BABAM2: variants seen among roughly 807,000 people sequenced by gnomAD.
The protein encoded by BABAM2 is BRISC and BRCA1-A complex member 2.
BABAM2 carries 31 observed loss-of-function variants against 54.7 expected under a neutral mutation model. That is an observed-to-expected ratio of 0.57 (90% CI 0.43 to 0.77). The LOEUF (loss-of-function observed/expected upper bound fraction) is 0.77, where lower values mean the gene tolerates loss of function less well. Ranked by LOEUF, BABAM2 falls within the 30% of genes least tolerant of loss-of-function variation. The pLI is 0.00. For missense variants in BABAM2, 364 were observed against 455.8 expected, an observed-to-expected ratio of 0.80 and a Z score of 1.83; for synonymous variants, 167 against 162.9, an observed-to-expected ratio of 1.03 and a Z score of -0.19.
At chr2:28,234,902 T>G (rs902526319) in intron 7 of BABAM2, among the ~76,000 whole-genome samples, 1 of 152,252 alleles carries the variant, frequency 6.6e-6, no homozygotes, top group Non-Finnish European at 1.5e-5. Flanking sequence ...CTTTAGAGTT[T>G]AGGCTAAATC....
intron 6 of BABAM2, among the ~76,000 whole-genome samples, chr2:28,046,495 C>G (rs1438085292): frequency 6.6e-6 from 1 of 151,954 alleles, no homozygotes; most frequent in Non-Finnish European, 1.5e-5. Flanking sequence ...AACAAACAAA[C>G]AAAAAGATTT....
chr2:28,097,320 G>C (rs1024917850), intron 6 of BABAM2, among the ~76,000 whole-genome samples: 7 of 152,202 alleles, frequency 4.6e-5, no homozygotes, highest in Admixed American at 3.9e-4. Context: ...GGACCAGCTG[G>C]AAGGTGGGTG....
intron 7 of BABAM2, among the ~76,000 whole-genome samples, chr2:28,234,339 C>T (rs1309960434): frequency 1.3e-5 from 2 of 152,098 alleles, no homozygotes; most frequent in Non-Finnish European, 2.9e-5. Context: ...ATGGGCCTGG[C>T]AGCAGAACAC....
At chr2:27,966,245 T>C (rs1033356366) in intron 3 of BABAM2, among the ~76,000 whole-genome samples, 2 of 152,252 alleles carry the variant, frequency 1.3e-5, no homozygotes, top group Non-Finnish European at 2.9e-5. Flanking sequence ...GGAATACTTG[T>C]GTAAAGAGTT....
chr2:28,082,711 T>C (rs903230920), intron 6 of BABAM2, among the ~76,000 whole-genome samples: 1 of 152,202 alleles, frequency 6.6e-6, no homozygotes, highest in Non-Finnish European at 1.5e-5. Flanking sequence ...GACTCTATGC[T>C]TAATTAATTC....
chr2:28,177,252 G>A (rs1337030305), intron 7 of BABAM2, among the ~76,000 whole-genome samples: 2 of 150,142 alleles, frequency 1.3e-5, no homozygotes, highest in East Asian at 1.9e-4. Context: ...TGGCCTATTC[G>A]AAGTACTGAA....
intron 7 of BABAM2, among the ~76,000 whole-genome samples, chr2:28,156,004 A>C (rs576158697): frequency 1.5e-4 from 23 of 152,366 alleles, no homozygotes; most frequent in African/African-American, 5.5e-4. Context: ...GAAGAAAAGT[A>C]GAGTAATTTG....
At chr2:28,108,497 A>C (rs1667721331) in intron 6 of BABAM2, among the ~76,000 whole-genome samples, 1 of 152,242 alleles carries the variant, frequency 6.6e-6, no homozygotes, top group South Asian at 2.1e-4. Flanking sequence ...AATTAAAGAA[A>C]TATTCTTACT....
chr2:28,334,441 G>A (rs1158224333), intron 11 of BABAM2, among the ~76,000 whole-genome samples: 1 of 152,284 alleles, frequency 6.6e-6, no homozygotes, highest in African/African-American at 2.4e-5. Flanking sequence ...GGGCTATAGT[G>A]CAGCTCAGCT....
chr2:27,961,948 G>A (rs1179346235), intron 3 of BABAM2, among the ~76,000 whole-genome samples: 1 of 151,448 alleles, frequency 6.6e-6, no homozygotes, highest in African/African-American at 2.4e-5. Flanking sequence ...CAGGCTGATC[G>A]CAAACTCCTG....
chr2:28,191,918 GAA>G (rs1676952807), intron 7 of BABAM2, among the ~76,000 whole-genome samples: 3 of 152,108 alleles, frequency 2.0e-5, no homozygotes, highest in Admixed American at 6.6e-5. Context: ...ATAAAAAAAA[GAA>G]AAAAGAACTG....
At chr2:28,026,931 T>TAA (rs1265500582) in intron 5 of BABAM2, among the ~76,000 whole-genome samples, 2 of 11,154 alleles carry the variant, frequency 1.8e-4, no homozygotes, top group Non-Finnish European at 1.1e-3. Context: ...TATATAAATA[T>TAA]ATATATAAAT....
rs72855649 is a variant in BABAM2 at position 28,184,092 on chromosome 2, G to A, written c.681-53110G>A. Among the ~76,000 whole-genome samples the A allele has an allele frequency of 4.8e-3, 725 of 152,206 alleles. 3 individuals carry two copies. Among genetic ancestry groups the A allele is most frequent in the African/African-American group, 0.017 (691 of 41,534 alleles). On this transcript the variant is annotated intron_variant, in intron 7 of 11. Coordinates refer to ENST00000379624, the MANE Select transcript of BABAM2 (RefSeq NM_199191.3). Reference sequence around the variant, plus strand: ...ATGGATCAGTAACACTTTGACTATTGTTAGCCTTCTTTTGAAAATAAAATA... The same window carrying A: ...ATGGATCAGTAACACTTTGACTATTATTAGCCTTCTTTTGAAAATAAAATA...
intron 7 of BABAM2, 45 bp from the exon 8 acceptor site, chr2:28,237,157 G>T: frequency 6.5e-7 from 1 of 1,542,700 alleles, no homozygotes. Flanking sequence ...TTCTTAAGTT[G>T]CTTGAGCCCT....
At chr2:28,014,218 A>G (rs1674629999) in intron 4 of BABAM2, among the ~76,000 whole-genome samples, 1 of 152,100 alleles carries the variant, frequency 6.6e-6, no homozygotes, top group Non-Finnish European at 1.5e-5. Flanking sequence ...TGTGTATTAG[A>G]CTAGATCAAT....
At chr2:28,174,559 C>T (rs1421485944) in intron 7 of BABAM2, among the ~76,000 whole-genome samples, 1 of 151,124 alleles carries the variant, frequency 6.6e-6, no homozygotes, top group Non-Finnish European at 1.5e-5. Context: ...GCTAGAAGCC[C>T]TGAGAGGCTC....
At chr2:28,334,941 C>T (rs886718097) in intron 11 of BABAM2, among the ~76,000 whole-genome samples, 3 of 152,084 alleles carry the variant, frequency 2.0e-5, no homozygotes, top group Admixed American at 1.3e-4. Context: ...GGCATGGTGC[C>T]GTTAATGGAT....
At chr2:28,079,522 G>A (rs2148670844) in intron 6 of BABAM2, among the ~76,000 whole-genome samples, 1 of 152,244 alleles carries the variant, frequency 6.6e-6, no homozygotes, top group South Asian at 2.1e-4. Context: ...CTAAAGAAAA[G>A]TTTTATGACT....
At chr2:28,143,439 G>A (rs1671233109) in intron 7 of BABAM2, among the ~76,000 whole-genome samples, 1 of 151,908 alleles carries the variant, frequency 6.6e-6, no homozygotes, top group South Asian at 2.1e-4. Flanking sequence ...TACAGCATGA[G>A]GACTATAATT....
Sources: allele counts gnomAD v4.1 joint callset (sites outside exome capture counted in the v4.1 genomes callset), GRCh38; gene constraint gnomAD v4.1.1; transcripts MANE v1.5; gene names NCBI Gene and HGNC (gene_info 2026-07-23, HGNC 2026-07-21).